MTHFD1L: variants seen among roughly 807,000 people sequenced by gnomAD.
MTHFD1L encodes monofunctional C1-tetrahydrofolate synthase, mitochondrial.
Under a neutral mutation model 119.5 loss-of-function variants are expected in MTHFD1L, and 81 were observed. The observed-to-expected ratio is 0.68, with a 90% CI of 0.57 to 0.82. MTHFD1L has a LOEUF of 0.82. MTHFD1L is among the 40% of genes least tolerant of loss of function. The pLI is 0.00. For missense variants in MTHFD1L, 1,125 were observed against 1,253.4 expected (o/e 0.90, Z 1.55); for synonymous variants, 430 against 475.2 (o/e 0.90, Z 1.24).
chr6:150,903,509 T>C (rs567723368), intron 7 of MTHFD1L, among the ~76,000 whole-genome samples: 1 of 152,282 alleles, frequency 6.6e-6, no homozygotes, highest in Non-Finnish European at 1.5e-5. Context: ...CATGACCTCC[T>C]GGGCTCAAGC....
chr6:150,900,412 G>A (rs571405317), intron 7 of MTHFD1L, among the ~76,000 whole-genome samples: 1 of 152,214 alleles, frequency 6.6e-6, no homozygotes, highest in Non-Finnish European at 1.5e-5. Context: ...TGCTCCCCAA[G>A]GATGTCTGTT....
At chr6:150,887,645 C>T (rs533984686) in intron 6 of MTHFD1L, among the ~76,000 whole-genome samples, 200 bp from the exon 7 acceptor site, 39 of 152,144 alleles carry the variant, frequency 2.6e-4, no homozygotes, top group African/African-American at 6.5e-4. Context: ...TTAGTGGAGG[C>T]GGGGTTTTAC....
chr6:151,002,897 G>C (rs1177242570), intron 20 of MTHFD1L, among the ~76,000 whole-genome samples: 1 of 152,162 alleles, frequency 6.6e-6, no homozygotes, highest in Non-Finnish European at 1.5e-5. Flanking sequence ...CTTGTTGGCG[G>C]GGGGAGGGTC....
chr6:150,880,188 A>G (rs9478846), intron 4 of MTHFD1L, among the ~76,000 whole-genome samples: 15,436 of 152,254 alleles, frequency 0.1, 909 homozygotes, highest in Middle Eastern at 0.17. Context: ...GTAAGAGAAC[A>G]CTGGAATTTA....
At chr6:150,977,874 G>A (rs977923296) in intron 20 of MTHFD1L, among the ~76,000 whole-genome samples, 7 of 151,306 alleles carry the variant, frequency 4.6e-5, no homozygotes, top group East Asian at 1.9e-4. Flanking sequence ...ATATAGGTTC[G>A]TGCATATGGA....
intron 26 of MTHFD1L, among the ~76,000 whole-genome samples, chr6:151,050,269 T>C (rs1788815585): frequency 6.6e-6 from 1 of 152,184 alleles, no homozygotes; most frequent in Admixed American, 6.5e-5. Flanking sequence ...TTCAAGCGAC[T>C]CTCCCACCTC....
rs758823385 is a variant in MTHFD1L at position 150,960,328 on chromosome 6, G to A, written c.1857G>A (p.Thr619=). The change falls in exon 18 of 28, where the codon ACG becomes ACA. Residue 619 remains threonine, a synonymous_variant. Transcript: ENST00000367321. ...ASEIMAVLAL[T]DSLADMKARL... ...AGATCATGGCGGTGCTGGCCCTGAC[G>A]GACAGCCTCGCAGACATGAAGGCAC... The A allele has an allele frequency of 1.1e-5, 17 of 1,613,926 alleles. No individual in the cohort carries two copies. Among genetic ancestry groups the A allele is most frequent in the Admixed American group, 1.7e-5 (1 of 59,986 alleles).
intron 4 of MTHFD1L, among the ~76,000 whole-genome samples, chr6:150,881,347 T>G (rs1313222318): frequency 6.6e-6 from 1 of 152,246 alleles, no homozygotes; most frequent in African/African-American, 2.4e-5. Context: ...AGAGGCTCTC[T>G]TTCCACAATG....
chr6:151,022,625 T>C (rs1295416123), intron 24 of MTHFD1L, among the ~76,000 whole-genome samples: 1 of 152,224 alleles, frequency 6.6e-6, no homozygotes, highest in East Asian at 1.9e-4. Context: ...TTGGTTGTCC[T>C]TGTCCCTGGA....
intron 11 of MTHFD1L, among the ~76,000 whole-genome samples, chr6:150,934,189 G>A (rs1791655678): frequency 6.6e-6 from 1 of 152,168 alleles, no homozygotes; most frequent in Non-Finnish European, 1.5e-5. Context: ...CTTACACTCT[G>A]TGCCTCAGTT....
chr6:150,894,313 T>A (rs1344050802), intron 7 of MTHFD1L, among the ~76,000 whole-genome samples: 1 of 152,142 alleles, frequency 6.6e-6, no homozygotes. Context: ...GGTCCTTCAC[T>A]GGAAGCCTGG....
At chr6:150,987,144 G>A (rs1379547549) in intron 20 of MTHFD1L, among the ~76,000 whole-genome samples, 7 of 152,182 alleles carry the variant, frequency 4.6e-5, no homozygotes, top group African/African-American at 4.8e-5. Context: ...ATAGTATTGT[G>A]TATAGGATCT....
intron 24 of MTHFD1L, among the ~76,000 whole-genome samples, chr6:151,032,551 G>A (rs1272696867): frequency 6.6e-6 from 1 of 152,050 alleles, no homozygotes; most frequent in African/African-American, 2.4e-5. Flanking sequence ...GATTTGGAGG[G>A]GACCACCATC....
At chr6:150,967,266 A>G (rs1258867501) in intron 19 of MTHFD1L, among the ~76,000 whole-genome samples, 3 of 152,112 alleles carry the variant, frequency 2.0e-5, no homozygotes, top group East Asian at 3.9e-4. Context: ...TGCCCTCCTC[A>G]GAGAAGCTCA....
chr6:150,965,339 T>G lies in MTHFD1L; in HGVS notation c.2013+302T>G, dbSNP rs544697630. Among the ~76,000 whole-genome samples, 6 of 152,306 alleles carry G rather than the reference T, an allele frequency of 3.9e-5. No individual in the cohort carries two copies. In the East Asian group the frequency reaches 1.2e-3, roughly 29 times the overall value. Reference sequence around the variant, plus strand: ...TCTTTAATATAAGTCATGTCTTGGCTTAATTGACCCGAGTAGAAACTTAGA... The same window carrying G: ...TCTTTAATATAAGTCATGTCTTGGCGTAATTGACCCGAGTAGAAACTTAGA... On this transcript the variant is annotated intron_variant, in intron 19 of 27. Coordinates refer to ENST00000367321, the MANE Select transcript of MTHFD1L (RefSeq NM_015440.5).
chr6:151,084,873 A>G (rs549267814), intron 26 of MTHFD1L, among the ~76,000 whole-genome samples: 1 of 151,296 alleles, frequency 6.6e-6, no homozygotes, highest in East Asian at 1.9e-4. Context: ...AGGCTGAGGC[A>G]GGAGAATCGC....
At chr6:150,883,765 G>A (rs1431313519) in intron 5 of MTHFD1L, among the ~76,000 whole-genome samples, 2 of 152,072 alleles carry the variant, frequency 1.3e-5, no homozygotes, top group Non-Finnish European at 2.9e-5. Flanking sequence ...ATGCTTCCTG[G>A]GGATTAAAAC....
rs147318738 is a variant in MTHFD1L, at chr6:150,965,698, A to G, written c.2013+661A>G. On this transcript the variant is annotated intron_variant, in intron 19 of 27. Transcript: ENST00000367321. ...AGAGAAAGTCAATGTCTAACATTTC[A>G]ATAGGTTGTATGGCCATGTTTACAA... Among the ~76,000 whole-genome samples, 51 of 150,568 alleles carry G rather than the reference A, an allele frequency of 3.4e-4. 1 individual carries two copies. The East Asian group carries it at 9.6e-3, about 28-fold the overall frequency.
At chr6:151,011,336 C>T (rs898394658) in intron 21 of MTHFD1L, among the ~76,000 whole-genome samples, 1 of 152,156 alleles carries the variant, frequency 6.6e-6, no homozygotes, top group South Asian at 2.1e-4. Flanking sequence ...AAACTACTTC[C>T]GCCCATGTAG....
Sources: gnomAD v4.1 joint callset for allele counts (sites outside exome capture counted in the v4.1 genomes callset) on GRCh38, gnomAD v4.1.1 for gene constraint, MANE v1.5 for transcripts, NCBI Gene and HGNC (gene_info 2026-07-23, HGNC 2026-07-21) for gene names.